PRKN: variants seen among roughly 807,000 people sequenced by gnomAD.
PRKN encodes E3 ubiquitin-protein ligase parkin.
Under a neutral mutation model 59.5 loss-of-function variants are expected in PRKN, and 56 were observed. That is an observed-to-expected ratio of 0.94 (90% CI 0.76 to 1.18). PRKN has a LOEUF of 1.18. PRKN is among the 50% of genes most tolerant of loss of function. The probability of loss-of-function intolerance (pLI) is 0.00; values close to 1 mark genes in which losing one functional copy is unlikely to be tolerated. For missense variants in PRKN, 657 were observed against 596.4 expected (o/e 1.10, Z -1.06); for synonymous variants, 250 against 222.1 (o/e 1.13, Z -1.12).
chr6:161,479,523 C>T (rs1360904793), intron 9 of PRKN, among the ~76,000 whole-genome samples: 1 of 152,122 alleles, frequency 6.6e-6, no homozygotes, highest in Non-Finnish European at 1.5e-5. Flanking sequence ...AATGAGGGAA[C>T]CAGCAATGCT....
At chr6:162,207,490 T>C (rs781278368) in intron 3 of PRKN, among the ~76,000 whole-genome samples, 1 of 152,174 alleles carries the variant, frequency 6.6e-6, no homozygotes, top group Non-Finnish European at 1.5e-5. Flanking sequence ...TCACTAGAAA[T>C]CTCCCTCTAG....
intron 9 of PRKN, among the ~76,000 whole-genome samples, chr6:161,540,998 G>C (rs534638062): frequency 9.1e-4 from 138 of 152,306 alleles, no homozygotes; most frequent in African/African-American, 3.3e-3. Flanking sequence ...TTTATTTCTG[G>C]AAAGTTTTTT....
At chr6:162,465,181 T>A (rs1449745142) in intron 1 of PRKN, among the ~76,000 whole-genome samples, 8 of 152,196 alleles carry the variant, frequency 5.3e-5, no homozygotes, top group Non-Finnish European at 1.0e-4. Context: ...ACCAGTGAAG[T>A]GGTGAAATCA....
At chr6:162,210,510 C>A (rs1321222218) in intron 3 of PRKN, among the ~76,000 whole-genome samples, 1 of 152,114 alleles carries the variant, frequency 6.6e-6, no homozygotes, top group African/African-American at 2.4e-5. Context: ...GATTCTTAGA[C>A]AGTATTTCCA....
chr6:162,314,976 A>T (rs1202723886), intron 2 of PRKN, among the ~76,000 whole-genome samples: 1 of 152,192 alleles, frequency 6.6e-6, no homozygotes, highest in African/African-American at 2.4e-5. Flanking sequence ...TCTTCACAGT[A>T]GATCACCAGG....
At position 161,360,855 on chromosome 6, in the gene PRKN, C is replaced by A. The variant is rs936094830; in HGVS notation, c.1168-650G>T. Among the ~76,000 whole-genome samples the A allele has an allele frequency of 6.6e-6, 1 of 152,130 alleles. No homozygotes were observed. The highest frequency in any genetic ancestry group is 2.4e-5 in the African/African-American group (1 of 41,428). ...GGTTCAAATCCCAGCTCTACCCAGA[C>A]GGGTGACTCTGGAAACATTCCCTAA... is the stretch of plus-strand genomic sequence containing the variant. On this transcript the variant is annotated intron_variant, in intron 10 of 11. Coordinates refer to ENST00000366898, the MANE Select transcript of PRKN (RefSeq NM_004562.3). The surrounding 1 kb of genome is among the most constrained non-coding windows in gnomAD (Gnocchi z 5.1).
intron 6 of PRKN, among the ~76,000 whole-genome samples, chr6:161,887,694 T>A (rs189581133): frequency 1.3e-5 from 2 of 152,318 alleles, no homozygotes; most frequent in East Asian, 1.9e-4. Flanking sequence ...AAGAAGTTTT[T>A]AAAAATTTGC....
At chr6:162,379,882 A>G (rs1013669267) in intron 2 of PRKN, among the ~76,000 whole-genome samples, 13 of 152,214 alleles carry the variant, frequency 8.5e-5, no homozygotes, top group African/African-American at 3.1e-4. Flanking sequence ...CTTCTGAGGT[A>G]GCTGATGAAC....
chr6:162,041,291 C>G (rs1320068918), intron 5 of PRKN, among the ~76,000 whole-genome samples: 4 of 152,198 alleles, frequency 2.6e-5, no homozygotes, highest in Non-Finnish European at 5.9e-5. Flanking sequence ...TTAGATAGCT[C>G]ATGAGTTCGT....
At chr6:162,110,410 G>A (rs1014215250) in intron 4 of PRKN, among the ~76,000 whole-genome samples, 1 of 152,158 alleles carries the variant, frequency 6.6e-6, no homozygotes, top group Admixed American at 6.5e-5. Flanking sequence ...AAAAAGCAAG[G>A]ACTCAAAGAC....
chr6:161,637,934 C>A (rs906526641), intron 7 of PRKN, among the ~76,000 whole-genome samples: 5 of 152,174 alleles, frequency 3.3e-5, no homozygotes, highest in Non-Finnish European at 7.3e-5. Flanking sequence ...GGTTTCCTGT[C>A]AAAATAGCTA....
chr6:161,988,349 G>T lies in PRKN; in HGVS notation c.619-14932C>A, dbSNP rs182781139. ...TAAAAATACAAAAAATTAGCTGGGT[G>T]TAGTGGGGCGCGCATGTAATCACAG... On this transcript the variant is annotated intron_variant, in intron 5 of 11. Transcript: ENST00000366898. 8.5e-5 allele frequency among the ~76,000 whole-genome samples: 13 copies of T among 152,078 alleles called. No homozygotes were observed. In the East Asian group the frequency reaches 2.5e-3, roughly 29 times the overall value.
chr6:162,222,484 G>A (rs543524040), intron 3 of PRKN, among the ~76,000 whole-genome samples: 1 of 152,284 alleles, frequency 6.6e-6, no homozygotes, highest in East Asian at 1.9e-4. Flanking sequence ...TCAAGGAGCT[G>A]AAAGCAACCA....
At position 161,459,758 on chromosome 6, in the gene PRKN, T is replaced by TAACA. The variant is rs1790121778; in HGVS notation, c.1084-72885_1084-72882dup. ...GCCACCATAACATTTGCTATAATTA[T>TAACA]AACAGTTCAGTTATTTGGTTTTCTC... On this transcript the variant is annotated intron_variant, in intron 9 of 11. Transcript: ENST00000366898. The surrounding 1 kb of genome is among the most constrained non-coding windows in gnomAD (Gnocchi z 4.8). Among the ~76,000 whole-genome samples the TAACA allele has an allele frequency of 6.6e-6, 1 of 152,238 alleles. No individual in the cohort carries two copies. The highest frequency in any genetic ancestry group is 1.5e-5 in the Non-Finnish European group (1 of 68,040).
In PRKN at chr6:161,548,478, G is replaced by C. The variant is rs1390643889; in HGVS notation, c.1083+376C>G. ...CAATGTCACTAAGACGTCACTGATG[G>C]AGAATTCTTTCTCCTTCACTCCTGT... On this transcript the variant is annotated intron_variant, in intron 9 of 11. Coordinates refer to ENST00000366898, the MANE Select transcript of PRKN (RefSeq NM_004562.3). The surrounding 1 kb of genome is among the most constrained non-coding windows in gnomAD (Gnocchi z 4.2). Among the ~76,000 whole-genome samples the C allele has an allele frequency of 6.6e-6, 1 of 152,134 alleles. No homozygotes were observed. The highest frequency in any genetic ancestry group is 6.6e-5 in the Admixed American group (1 of 15,266).
At chr6:161,629,963 G>A (rs1163206965) in intron 7 of PRKN, among the ~76,000 whole-genome samples, 1 of 152,180 alleles carries the variant, frequency 6.6e-6, no homozygotes, top group Non-Finnish European at 1.5e-5. Context: ...TTTGTGAAAT[G>A]CTTTCAGGTT....
At chr6:162,335,179 A>C (rs1219259449) in intron 2 of PRKN, among the ~76,000 whole-genome samples, 5 of 148,894 alleles carry the variant, frequency 3.4e-5, no homozygotes, top group Non-Finnish European at 5.9e-5. Flanking sequence ...ACGTTTGGCT[A>C]CTTTTTTTCT....
chr6:161,619,628 A>AT (rs1348777723), intron 7 of PRKN, among the ~76,000 whole-genome samples: 1 of 152,170 alleles, frequency 6.6e-6, no homozygotes, highest in Non-Finnish European at 1.5e-5. Flanking sequence ...TGAGAGAGCA[A>AT]TTTATCCAGT....
intron 5 of PRKN, among the ~76,000 whole-genome samples, chr6:162,001,847 C>CTTTTTTTTTTTTTTTTTTTTTTTTTTTTT (rs35789599): frequency 8.6e-6 from 1 of 116,630 alleles, no homozygotes; most frequent in Non-Finnish European, 1.8e-5. Context: ...TTGCAAATAG[C>CTTTTTTTTTTTTTTTTTTTTTTTTTTTTT]TTTTTTTTTT....
Sources: gnomAD v4.1 joint callset for allele counts (sites outside exome capture counted in the v4.1 genomes callset) on GRCh38, gnomAD v4.1.1 for gene constraint, Gnocchi (gnomAD v3.1) non-coding constraint, MANE v1.5 for transcripts, NCBI Gene and HGNC (gene_info 2026-07-23, HGNC 2026-07-21) for gene names.